SCFD2: variants seen among roughly 807,000 people sequenced by gnomAD.
SCFD2 encodes the protein sec1 family domain containing 2, also known as sec1 family domain-containing protein 2.
Under a neutral mutation model 58.9 loss-of-function variants are expected in SCFD2, and 54 were observed. The observed-to-expected ratio is 0.92, with a 90% CI of 0.74 to 1.15. SCFD2 has a LOEUF of 1.15. SCFD2 is among the 50% of genes most tolerant of loss of function. The pLI is 0.00. For missense variants in SCFD2, 805 were observed against 836.6 expected (o/e 0.96, Z 0.47); for synonymous variants, 321 against 335.9 (o/e 0.96, Z 0.49).
Position 52,927,430 on chromosome 4 carries a change from T to A in SCFD2, c.1562-6560A>T, listed in dbSNP as rs553522982. Among the ~76,000 whole-genome samples the A allele has an allele frequency of 3.3e-5, 5 of 152,332 alleles. No homozygotes were observed. The East Asian group carries it at 9.6e-4, about 29-fold the overall frequency. On this transcript the variant is annotated intron_variant, in intron 5 of 8. Coordinates refer to ENST00000401642, the MANE Select transcript of SCFD2 (RefSeq NM_152540.4). Reference sequence around the variant, plus strand: ...AGTGGAACCAGAAGTTAAAGACACCTGCAGCACAATCTGAGGACAGAATTC... The same window carrying A: ...AGTGGAACCAGAAGTTAAAGACACCAGCAGCACAATCTGAGGACAGAATTC...
chr4:52,909,251 C>T (rs1560477941), intron 6 of SCFD2, among the ~76,000 whole-genome samples: 2 of 152,100 alleles, frequency 1.3e-5, no homozygotes, highest in African/African-American at 2.4e-5. Context: ...TCCAAAAAGG[C>T]TGTTTATTGT....
chr4:52,895,552 T>G (rs1224623805), intron 7 of SCFD2, among the ~76,000 whole-genome samples: 5 of 152,250 alleles, frequency 3.3e-5, no homozygotes, highest in South Asian at 4.1e-4. Context: ...GTGCCACATT[T>G]GCTTAATCCA....
chr4:53,327,762 G>GA (rs1389361534), intron 2 of SCFD2, among the ~76,000 whole-genome samples: 2 of 152,164 alleles, frequency 1.3e-5, no homozygotes, highest in African/African-American at 4.8e-5. Flanking sequence ...TATGCAAAGG[G>GA]AAAAAACTTA....
At chr4:53,030,938 C>T (rs1443733906) in intron 5 of SCFD2, among the ~76,000 whole-genome samples, 1 of 152,218 alleles carries the variant, frequency 6.6e-6, no homozygotes, top group Non-Finnish European at 1.5e-5. Context: ...CAGCAGAAGA[C>T]TTCTTTTCTA....
intron 5 of SCFD2, among the ~76,000 whole-genome samples, chr4:53,111,146 T>C (rs562104587): frequency 6.6e-6 from 1 of 151,614 alleles, no homozygotes; most frequent in East Asian, 1.9e-4. Flanking sequence ...TGAGAACATA[T>C]GGACACAGGG....
At chr4:53,278,369 A>AAAG (rs1560425592) in intron 3 of SCFD2, among the ~76,000 whole-genome samples, 1 of 150,774 alleles carries the variant, frequency 6.6e-6, no homozygotes, top group East Asian at 2.0e-4. Flanking sequence ...AAAAAAAAAA[A>AAAG]AAAAGAAAAA....
intron 4 of SCFD2, among the ~76,000 whole-genome samples, chr4:53,221,129 A>C (rs1292507193): frequency 6.6e-6 from 1 of 152,204 alleles, no homozygotes; most frequent in Non-Finnish European, 1.5e-5. Flanking sequence ...CAGTATATAC[A>C]TTATCACTAA....
intron 4 of SCFD2, among the ~76,000 whole-genome samples, chr4:53,190,787 T>C (rs1727870462): frequency 6.6e-6 from 1 of 150,464 alleles, no homozygotes; most frequent in Non-Finnish European, 1.5e-5. Flanking sequence ...AATCATGAAG[T>C]GCTCTGATTC....
At chr4:52,874,583 T>A (rs1447645589) in intron 8 of SCFD2, among the ~76,000 whole-genome samples, 2 of 152,206 alleles carry the variant, frequency 1.3e-5, no homozygotes, top group East Asian at 1.9e-4. Flanking sequence ...GGAAACTTAC[T>A]GTCTCATAGT....
intron 4 of SCFD2, among the ~76,000 whole-genome samples, chr4:53,238,549 T>C (rs1214120099): frequency 2.0e-5 from 3 of 149,906 alleles, no homozygotes; most frequent in Non-Finnish European, 4.4e-5. Context: ...GCGGAGACGC[T>C]CCTCACTTCC....
At chr4:53,122,299 C>T (rs1725500329) in intron 5 of SCFD2, among the ~76,000 whole-genome samples, 1 of 152,044 alleles carries the variant, frequency 6.6e-6, no homozygotes, top group South Asian at 2.1e-4. Context: ...ATTGCTTGAA[C>T]TCAGGAGGTG....
intron 4 of SCFD2, among the ~76,000 whole-genome samples, chr4:53,211,725 T>G (rs563061050): frequency 6.6e-6 from 1 of 152,256 alleles, no homozygotes; most frequent in South Asian, 2.1e-4. Flanking sequence ...TCTTCTGTGT[T>G]GATGATTGTT....
At position 53,238,651 on chromosome 4, in the gene SCFD2, G is replaced by A. The variant is rs373289555; in HGVS notation, c.1311+35175C>T. The stretch of plus-strand genomic sequence containing the variant: ...AGCTCCTCGCTTCTCAGACGGGGTG[G>A]CCGGGCAGAGATGCTCCTCACCTCC... On this transcript the variant is annotated intron_variant, in intron 4 of 8. Coordinates refer to ENST00000401642, the MANE Select transcript of SCFD2 (RefSeq NM_152540.4). Among the ~76,000 whole-genome samples, 426 of 151,818 alleles carry A rather than the reference G, an allele frequency of 2.8e-3. 8 individuals carry two copies. The South Asian group carries it at 0.045, about 16-fold the overall frequency.
chr4:53,092,870 G>A (rs2148867525), intron 5 of SCFD2, among the ~76,000 whole-genome samples: 1 of 152,038 alleles, frequency 6.6e-6, no homozygotes, highest in African/African-American at 2.4e-5. Context: ...AAATAAAGCA[G>A]ACTAAAAAAA....
At chr4:52,918,273 T>C (rs1170454326) in intron 6 of SCFD2, among the ~76,000 whole-genome samples, 5 of 152,218 alleles carry the variant, frequency 3.3e-5, no homozygotes, top group African/African-American at 1.2e-4. Flanking sequence ...TGGACACTTG[T>C]ACTTTCCTAT....
chr4:53,158,934 T>C (rs1281001668), intron 4 of SCFD2, among the ~76,000 whole-genome samples: 1 of 152,212 alleles, frequency 6.6e-6, no homozygotes, highest in Non-Finnish European at 1.5e-5. Context: ...TTCTTTGACC[T>C]TCCCTAAATG....
At chr4:53,023,866 A>G (rs1414903762) in intron 5 of SCFD2, among the ~76,000 whole-genome samples, 1 of 152,164 alleles carries the variant, frequency 6.6e-6, no homozygotes, top group Non-Finnish European at 1.5e-5. Context: ...TCACCACTGG[A>G]TGACATACTC....
intron 7 of SCFD2, among the ~76,000 whole-genome samples, chr4:52,892,760 A>T (rs954690061): frequency 3.3e-5 from 5 of 152,192 alleles, no homozygotes; most frequent in African/African-American, 1.2e-4. Context: ...ACAAACTGTA[A>T]GCTACATGAT....
intron 3 of SCFD2, among the ~76,000 whole-genome samples, chr4:53,303,018 T>C (rs2149100747): frequency 6.6e-6 from 1 of 152,232 alleles, no homozygotes; most frequent in Middle Eastern, 3.4e-3. Context: ...ACCTAGGCAA[T>C]ACCATTCAGG....
Sources: gnomAD v4.1 joint callset for allele counts (sites outside exome capture counted in the v4.1 genomes callset) on GRCh38, gnomAD v4.1.1 for gene constraint, MANE v1.5 for transcripts, NCBI Gene and HGNC (gene_info 2026-07-23, HGNC 2026-07-21) for gene names.